LRCH1: variants seen among roughly 807,000 people sequenced by gnomAD.
LRCH1 encodes leucine-rich repeat and calponin homology domain-containing protein 1.
In LRCH1, 23 loss-of-function variants were observed where a neutral mutation model predicts 94.9. The ratio of observed to expected loss-of-function variants is 0.24; its 90% confidence interval spans 0.17 to 0.34. The LOEUF is 0.34. Among genes scored for constraint, LRCH1 ranks in the 10% least tolerant of loss-of-function variants. The pLI is 1.00. For synonymous variants in LRCH1, 364 were observed against 354.9 expected (o/e 1.03, Z -0.29); for missense variants, 790 against 945.9 (o/e 0.84, Z 2.16).
intron 2 of LRCH1, among the ~76,000 whole-genome samples, chr13:46,660,169 G>T (rs1320867527): frequency 6.7e-6 from 1 of 150,258 alleles, no homozygotes; most frequent in Non-Finnish European, 1.5e-5. Context: ...CCGCCACCAC[G>T]CCCGGCTAAT....
intron 1 of LRCH1, among the ~76,000 whole-genome samples, chr13:46,647,118 A>G (rs1299333510): frequency 6.6e-6 from 1 of 151,896 alleles, no homozygotes; most frequent in Non-Finnish European, 1.5e-5. Context: ...AACTCAAAAA[A>G]AAAAAAAAAA....
At chr13:46,692,492 G>T (rs781161507) in intron 7 of LRCH1, 44 bp from the exon 8 acceptor site, 1 of 1,333,378 alleles carries the variant, frequency 7.5e-7, no homozygotes, top group Non-Finnish European at 1.1e-6. Context: ...TATCTACATT[G>T]ATAACACTTC....
intron 4 of LRCH1, among the ~76,000 whole-genome samples, chr13:46,683,286 T>A (rs1414662813): frequency 6.6e-6 from 1 of 152,226 alleles, no homozygotes; most frequent in Non-Finnish European, 1.5e-5. Context: ...AAAGGTAATG[T>A]GCTTTATAGA....
chr13:46,581,070 C>T (rs2050359332), intron 1 of LRCH1, among the ~76,000 whole-genome samples: 1 of 152,304 alleles, frequency 6.6e-6, no homozygotes, highest in South Asian at 2.1e-4. Flanking sequence ...ATGGATCTAG[C>T]ATTACCTTGG....
At chr13:46,580,843 T>C (rs1299582728) in intron 1 of LRCH1, among the ~76,000 whole-genome samples, 3 of 152,196 alleles carry the variant, frequency 2.0e-5, no homozygotes, top group Non-Finnish European at 4.4e-5. Context: ...TGGTACAAAT[T>C]ACACAATTTT....
chr13:46,613,881 A>G (rs1566176930), intron 1 of LRCH1, among the ~76,000 whole-genome samples: 1 of 152,200 alleles, frequency 6.6e-6, no homozygotes, highest in Non-Finnish European at 1.5e-5. Context: ...TTCCGACATT[A>G]AAAACATTAG....
chr13:46,687,891 A>G lies in LRCH1; in HGVS notation c.862A>G (p.Ser288Gly). 1 of 1,612,836 alleles carries G rather than the reference A, an allele frequency of 6.2e-7. No individual in the cohort carries two copies. Among genetic ancestry groups the G allele is most frequent in the South Asian group, 1.1e-5 (1 of 90,782 alleles). ...KGKVHIFKYL[S>G]IQACQIKTAD... ...CAAAGTTCACATATTTAAGTATCTG[A>G]GCATACAAGCATGCCAGATTAAGAC... Residue 288 changes from serine (S) to glycine (G), a missense_variant, in exon 6 of 20, where the codon AGC (serine) becomes GGC (glycine). Physicochemically the swap from Ser to Gly is moderately conservative, Grantham distance 56. Around this residue, in one of 3 missense-constraint regions of LRCH1, gnomAD observed 194 missense variants for 293.5 expected, o/e 0.66. Transcript: ENST00000389797.
At chr13:46,656,360 G>A (rs2051369531) in intron 2 of LRCH1, among the ~76,000 whole-genome samples, 1 of 152,162 alleles carries the variant, frequency 6.6e-6, no homozygotes, top group African/African-American at 2.4e-5. Flanking sequence ...AAGAATTGAT[G>A]ATGTCTTCCT....
chr13:46,630,653 A>T (rs1217359537), intron 1 of LRCH1, among the ~76,000 whole-genome samples: 3 of 152,226 alleles, frequency 2.0e-5, no homozygotes, highest in Non-Finnish European at 4.4e-5. Flanking sequence ...CTGGGAAAAG[A>T]CTGCAGTGTT....
At chr13:46,750,702 GA>G in exon 19 of LRCH1, 1 of 1,299,810 alleles carries the variant, frequency 7.7e-7, no homozygotes, top group Admixed American at 2.0e-5. Context: ...CCAGGATCCT[GA>G]ACTCTGCTCC....
chr13:46,745,026 C>T (rs2138257442), downstream of LRCH1: 1 of 585,800 alleles, frequency 1.7e-6, no homozygotes, highest in Non-Finnish European at 2.1e-6. Context: ...TCTGCAAGGC[C>T]CTGGGGATAA....
intron 9 of LRCH1, 93 bp from the exon 10 acceptor site, chr13:46,699,243 A>G (rs1467272113): frequency 2.8e-5 from 27 of 949,868 alleles, no homozygotes; most frequent in Non-Finnish European, 4.4e-5. Context: ...GCTATTGTGA[A>G]TAACGCTGTT....
At chr13:46,635,543 T>C (rs1171346794) in intron 1 of LRCH1, among the ~76,000 whole-genome samples, 1 of 139,494 alleles carries the variant, frequency 7.2e-6, no homozygotes, top group Non-Finnish European at 1.5e-5. Flanking sequence ...CGATCTCAGC[T>C]CACTGCAAGC....
chr13:46,576,887 C>T (rs1336309265), intron 1 of LRCH1, among the ~76,000 whole-genome samples: 3 of 152,132 alleles, frequency 2.0e-5, no homozygotes, highest in Admixed American at 6.5e-5. Flanking sequence ...CACAGTTTGG[C>T]TGGATTCTCT....
rs138690665 is a variant in LRCH1 at position 46,692,601 on chromosome 13, C to T, written c.1080C>T (p.Ile360=). 1.2e-6 allele frequency: 2 copies of T among 1,613,942 alleles called. No individual in the cohort carries two copies. Among genetic ancestry groups the T allele is most frequent in the Admixed American group, 1.7e-5 (1 of 60,000 alleles). Residue 360 remains isoleucine, a synonymous_variant, in exon 8 of 20, where the codon ATC becomes ATT. Transcript: ENST00000389797. ...PMSNIMEEEQ[I]IKEDSCHRLS... The stretch of plus-strand genomic sequence containing the variant: ...CAAACATCATGGAAGAAGAACAGAT[C>T]ATCAAGGAGGACTCGTGCCATCGCC...
In LRCH1 at chr13:46,743,231, G is replaced by A; in HGVS notation, c.*1383G>A. 1.0e-6 allele frequency: 1 copy of A among 985,692 alleles called. No individual in the cohort carries two copies. The highest frequency in any genetic ancestry group is 1.2e-6 in the Non-Finnish European group (1 of 829,814). 61.1% of individuals were successfully genotyped at this position (985,692 alleles called of 1,614,324 possible). On this transcript the variant is annotated 3_prime_UTR_variant, in exon 20 of 20. Coordinates refer to ENST00000389797, the MANE Select transcript of LRCH1 (RefSeq NM_001164211.2). ...ACTACGAAGAAAATCTTATTTTTCT[G>A]AACATTTTCATGAATCCAGGGGACT... is the stretch of plus-strand genomic sequence containing the variant.
intron 11 of LRCH1, 136 bp downstream of exon 11, chr13:46,701,343 T>C (rs1445300319): frequency 1.7e-6 from 1 of 574,174 alleles, no homozygotes. Flanking sequence ...AAAGTCATGT[T>C]TATTGCCTGT....
intron 1 of LRCH1, among the ~76,000 whole-genome samples, chr13:46,627,637 C>CACA (rs1225000360): frequency 6.6e-6 from 1 of 152,130 alleles, no homozygotes; most frequent in Non-Finnish European, 1.5e-5. Context: ...AGTGCATGCA[C>CACA]ACACGTATGG....
At chr13:46,577,441 A>G (rs1033153058) in intron 1 of LRCH1, among the ~76,000 whole-genome samples, 8 of 152,182 alleles carry the variant, frequency 5.3e-5, no homozygotes, top group Non-Finnish European at 1.2e-4. Flanking sequence ...GGTCAGGCCC[A>G]CTCAACAGTT....
Sources: gnomAD v4.1 joint callset for allele counts (sites outside exome capture counted in the v4.1 genomes callset) on GRCh38, gnomAD v4.1.1 for gene constraint, gnomAD v4.1.1 regional missense constraint, MANE v1.5 for transcripts, NCBI Gene and HGNC (gene_info 2026-07-23, HGNC 2026-07-21) for gene names.